RPL23A: variants seen among roughly 807,000 people sequenced by gnomAD.
RPL23A encodes ribosomal protein L23a.
A neutral mutation model predicts 17.6 loss-of-function variants in RPL23A; 2 were observed. That is an observed-to-expected ratio of 0.11 (90% CI 0.05 to 0.36). RPL23A has a LOEUF of 0.36. Among genes scored for constraint, RPL23A ranks in the 10% least tolerant of loss-of-function variants. The pLI is 1.00. For synonymous variants in RPL23A, 65 were observed against 74.3 expected, an observed-to-expected ratio of 0.87 and a Z score of 0.65; for missense variants, 132 against 194.4, an observed-to-expected ratio of 0.68 and a Z score of 1.91.
At position 28,724,262 on chromosome 17, in the gene RPL23A, G is replaced by A. The variant is rs2151726040; in HGVS notation, c.*381G>A. 3.6e-6 allele frequency: 2 copies of A among 562,504 alleles called. No individual in the cohort carries two copies. Among genetic ancestry groups the A allele is most frequent in the Non-Finnish European group, 6.3e-6 (2 of 318,308 alleles). The allele number at this position is 562,504 out of a possible 1,614,324, so 34.8% of individuals were successfully genotyped here. A position where few individuals can be genotyped will look rare whatever the true frequency, so the allele number is the denominator to read the frequency against. On this transcript the variant is annotated 3_prime_UTR_variant, in exon 5 of 5. Coordinates refer to ENST00000422514, the MANE Select transcript of RPL23A (RefSeq NM_000984.6). ...GGAGTGTGGATTGGCTGGCTCTCTGGTAGCATTTTGTCCTCACACACCCAT... is the reference window on the plus strand; with the variant it reads ...GGAGTGTGGATTGGCTGGCTCTCTGATAGCATTTTGTCCTCACACACCCAT...
Position 28,724,041 on chromosome 17 carries a change from C to A in RPL23A, c.*160C>A. ...CTGTTCTACTTATCCTTTTGAAATA[C>A]CTCACCCTGCCACTCCACCATGTAT... On this transcript the variant is annotated 3_prime_UTR_variant, in exon 5 of 5. Coordinates refer to ENST00000422514, the MANE Select transcript of RPL23A (RefSeq NM_000984.6). 1 of 562,078 alleles carries A rather than the reference C, an allele frequency of 1.8e-6. No homozygotes were observed. Among genetic ancestry groups the A allele is most frequent in the Non-Finnish European group, 3.1e-6 (1 of 324,964 alleles). The allele number at this position is 562,078 out of a possible 1,614,324, so 34.8% of individuals were successfully genotyped here. A position where few individuals can be genotyped will look rare whatever the true frequency, so the allele number is the denominator to read the frequency against.
At chr17:28,722,104 G>A (rs957991287) in intron 2 of RPL23A, among the ~76,000 whole-genome samples, 16 of 151,212 alleles carry the variant, frequency 1.1e-4, no homozygotes, top group Non-Finnish European at 1.9e-4. Context: ...AAAATTAGCC[G>A]GGCGTGGTGG....
intron 1 of RPL23A, chr17:28,720,378 T>C (rs1360359206): frequency 1.0e-5 from 16 of 1,566,796 alleles, no homozygotes; most frequent in Non-Finnish European, 1.1e-5. Context: ...TGGTTCATGT[T>C]CAACCGGGCT....
At chr17:28,723,440 G>T (rs773400680) in intron 3 of RPL23A, 131 bp from the exon 4 acceptor site, 4 of 807,244 alleles carry the variant, frequency 5.0e-6, no homozygotes, top group Non-Finnish European at 9.0e-6. Flanking sequence ...GGCTAATGAT[G>T]GAAAAATCAT....
chr17:28,720,119 G>C (rs2034075871), intron 1 of RPL23A, 89 bp downstream of exon 1: 4 of 1,536,384 alleles, frequency 2.6e-6, no homozygotes, highest in East Asian at 4.9e-5. Context: ...GCTGGGCTAA[G>C]CCCTGAGGGC....
chr17:28,720,221 G>T (rs1482740055), intron 1 of RPL23A, 191 bp downstream of exon 1: 1 of 1,535,626 alleles, frequency 6.5e-7, no homozygotes, highest in Admixed American at 2.0e-5. Context: ...CCGGTAGAGG[G>T]AGTTGGGGGG....
At chr17:28,722,960 C>T in intron 3 of RPL23A, 61 bp downstream of exon 3, 1 of 1,391,330 alleles carries the variant, frequency 7.2e-7, no homozygotes, top group South Asian at 1.2e-5. Context: ...CCAAAAAAAC[C>T]TGCATTCCAT....
chr17:28,720,927 G>A lies in RPL23A; in HGVS notation c.209+37G>A, dbSNP rs776451942. 7.6e-6 allele frequency: 12 copies of A among 1,576,082 alleles called. No homozygotes were observed. The African/African-American group carries it at 1.4e-4, about 18-fold the overall frequency. ...CCCCTGTACCCATGAAAAGATTTGG[G>A]TATTCTCCATTGGTAATTTGGAAAT... On this transcript the variant is annotated intron_variant, in intron 2 of 4. Transcript: ENST00000422514.
At position 28,723,704 on chromosome 17, in the gene RPL23A, G is replaced by T. The variant is rs375591786; in HGVS notation, c.456+64G>T. 5.2e-5 allele frequency: 78 copies of T among 1,497,108 alleles called. No individual in the cohort carries two copies. In the African/African-American group the frequency reaches 8.7e-4, roughly 17 times the overall value. 92.7% of individuals were successfully genotyped at this position (1,497,108 alleles called of 1,614,324 possible). On this transcript the variant is annotated intron_variant, in intron 4 of 4. Coordinates refer to ENST00000422514, the MANE Select transcript of RPL23A (RefSeq NM_000984.6). ...TTGGGTGCAAATGATGCATATGTTA[G>T]CGACCAAAGCCTGATCTTTGCTGAT...
chr17:28,720,255 G>A (rs1295821450), intron 1 of RPL23A: 1 of 1,541,864 alleles, frequency 6.5e-7, no homozygotes, highest in Non-Finnish European at 8.8e-7. Context: ...GGCATCATCC[G>A]CCAGGGAGGG....
rs751573303 is a variant in RPL23A at position 28,722,951 on chromosome 17, C to CA, written c.386+59dup. On this transcript the variant is annotated intron_variant, in intron 3 of 4. Coordinates refer to ENST00000422514, the MANE Select transcript of RPL23A (RefSeq NM_000984.6). ...GCAGGCTGGACCAGCAGTCTGGAGC[C>CA]AAAAAAACCTGCATTCCATGAAGCT... is the stretch of plus-strand genomic sequence containing the variant. 23 of 1,465,846 alleles carry CA rather than the reference C, an allele frequency of 1.6e-5. No individual in the cohort carries two copies. The East Asian group carries it at 1.8e-4, about 12-fold the overall frequency. 90.8% of individuals were successfully genotyped at this position (1,465,846 alleles called of 1,614,324 possible). A position where few individuals can be genotyped will look rare whatever the true frequency, so the allele number is the denominator to read the frequency against.
chr17:28,720,571 T>A, intron 1 of RPL23A, 136 bp from the exon 2 acceptor site: 1 of 1,381,804 alleles, frequency 7.2e-7, no homozygotes, highest in Non-Finnish European at 1.0e-6. Flanking sequence ...GGAAAAGTTT[T>A]AATCTCCTGA....
At chr17:28,720,996 A>G in intron 2 of RPL23A, 106 bp downstream of exon 2, 3 of 942,830 alleles carry the variant, frequency 3.2e-6, no homozygotes, top group Non-Finnish European at 4.9e-6. Flanking sequence ...AATTGTGTCC[A>G]GTGTGCTTCT....
At chr17:28,723,683 G>A in intron 4 of RPL23A, 43 bp downstream of exon 4, 2 of 1,574,016 alleles carry the variant, frequency 1.3e-6, no homozygotes, top group Non-Finnish European at 1.7e-6. Flanking sequence ...CACCCCTTGG[G>A]TGCAAATGAT....
chr17:28,720,168 C>T (rs2034079144), intron 1 of RPL23A, 138 bp downstream of exon 1: 2 of 1,527,618 alleles, frequency 1.3e-6, no homozygotes, highest in Non-Finnish European at 1.8e-6. Context: ...GGACACGCTG[C>T]AGTATACGTG....
intron 1 of RPL23A, chr17:28,720,292 A>G (rs748923717): frequency 5.1e-5 from 79 of 1,549,562 alleles, no homozygotes; most frequent in Non-Finnish European, 6.5e-5. Flanking sequence ...GGGAAGCTAC[A>G]TGCATCCACT....
intron 2 of RPL23A, chr17:28,721,126 G>C (rs1432504292): frequency 4.9e-6 from 2 of 411,464 alleles, no homozygotes; most frequent in Non-Finnish European, 9.1e-6. Context: ...CCGAGGGGGG[G>C]CGGATCACTT....
In RPL23A at chr17:28,720,042, T is replaced by C. The variant is rs748668556; in HGVS notation, c.25+12T>C. On this transcript the variant is annotated intron_variant, in intron 1 of 4. Transcript: ENST00000422514. ...AGCGAAGAAGGAAGGTGTGTGTTGGTGATGGGGCCGCAGCTGGTTTACCGG... is the reference window on the plus strand; with the variant it reads ...AGCGAAGAAGGAAGGTGTGTGTTGGCGATGGGGCCGCAGCTGGTTTACCGG... 10 of 1,551,292 alleles carry C rather than the reference T, an allele frequency of 6.4e-6. No homozygotes were observed. The African/African-American group carries it at 1.2e-4, about 19-fold the overall frequency.
chr17:28,720,205 T>A (rs1478429140), intron 1 of RPL23A, 175 bp downstream of exon 1: 2 of 1,533,580 alleles, frequency 1.3e-6, no homozygotes, highest in Non-Finnish European at 1.8e-6. Context: ...CCTCGTGGGC[T>A]GAGTTCCGGT....
Sources: allele counts gnomAD v4.1 joint callset (sites outside exome capture counted in the v4.1 genomes callset), GRCh38; gene constraint gnomAD v4.1.1; transcripts MANE v1.5; gene names NCBI Gene and HGNC (gene_info 2026-07-23, HGNC 2026-07-21).